SNTB1: variants seen among roughly 807,000 people sequenced by gnomAD.
SNTB1 encodes beta-1-syntrophin.
SNTB1 carries 36 observed loss-of-function variants against 48.9 expected under a neutral mutation model. The observed-to-expected ratio is 0.74, with a 90% CI of 0.56 to 0.97. The LOEUF (loss-of-function observed/expected upper bound fraction) is 0.97. Ranked by LOEUF, SNTB1 falls within the 50% of genes least tolerant of loss-of-function variation. The pLI, the probability that SNTB1 is intolerant of heterozygous loss-of-function variation, is 0.00. For missense variants in SNTB1, 786 were observed against 703.4 expected, an observed-to-expected ratio of 1.12 and a Z score of -1.33; for synonymous variants, 299 against 294.6, an observed-to-expected ratio of 1.01 and a Z score of -0.15.
chr8:120,733,396 T>A (rs1054380766), intron 1 of SNTB1, among the ~76,000 whole-genome samples: 6 of 152,278 alleles, frequency 3.9e-5, no homozygotes, highest in African/African-American at 1.4e-4. Flanking sequence ...ACATTGGTTT[T>A]GTGTTCAGCA....
chr8:120,649,111 A>G (rs1277618989), intron 2 of SNTB1, among the ~76,000 whole-genome samples: 3 of 149,204 alleles, frequency 2.0e-5, no homozygotes, highest in Admixed American at 1.3e-4. Flanking sequence ...CTTTGGTTTG[A>G]ATGTCCTCCT....
At chr8:120,743,378 T>C (rs1819075522) in intron 1 of SNTB1, among the ~76,000 whole-genome samples, 1 of 152,196 alleles carries the variant, frequency 6.6e-6, no homozygotes, top group African/African-American at 2.4e-5. Context: ...CACCCTTTCC[T>C]TTGTTTCTTG....
chr8:120,601,158 C>A (rs1182308051), intron 3 of SNTB1, among the ~76,000 whole-genome samples: 1 of 151,996 alleles, frequency 6.6e-6, no homozygotes, highest in Non-Finnish European at 1.5e-5. Context: ...CACTTTCACT[C>A]TGCGGAATAA....
chr8:120,697,278 A>C (rs930530610), intron 1 of SNTB1, among the ~76,000 whole-genome samples: 1 of 152,242 alleles, frequency 6.6e-6, no homozygotes, highest in African/African-American at 2.4e-5. Flanking sequence ...GGGATATCCC[A>C]TTGGGAGTAA....
intron 1 of SNTB1, among the ~76,000 whole-genome samples, chr8:120,786,953 G>T (rs115215197): frequency 6.6e-6 from 1 of 152,088 alleles, no homozygotes; most frequent in African/African-American, 2.4e-5. Flanking sequence ...GGGAAAAAAC[G>T]TTTTTTAAAT....
At position 120,653,010 on chromosome 8, in the gene SNTB1, G is replaced by A. The variant is rs981888851; in HGVS notation, c.789-20359C>T. Among the ~76,000 whole-genome samples, 13 of 152,270 alleles carry A rather than the reference G, an allele frequency of 8.5e-5. No individual in the cohort carries two copies. The South Asian group carries it at 1.9e-3, about 22-fold the overall frequency. ...CATGCAATGCTGTCACAGCTAATTA[G>A]CAAGTGTTCTAGAACACTGATGAGG... On this transcript the variant is annotated intron_variant, in intron 2 of 6. Coordinates refer to ENST00000517992, the MANE Select transcript of SNTB1 (RefSeq NM_021021.4).
rs145032860 is a variant in SNTB1 at position 120,635,228 on chromosome 8, A to G, written c.789-2577T>C. Among the ~76,000 whole-genome samples the G allele has an allele frequency of 1.0e-3, 157 of 152,306 alleles. 1 individual carries two copies. The East Asian group carries it at 0.011, about 10-fold the overall frequency. On this transcript the variant is annotated intron_variant, in intron 2 of 6. Transcript: ENST00000517992. ...TTCAAAAAAATGGGTAATAAATCTA[A>G]GGTGAGAGTTTCCATTCTCTCCCTA... is the stretch of plus-strand genomic sequence containing the variant.
chr8:120,652,974 G>A (rs949522754), intron 2 of SNTB1, among the ~76,000 whole-genome samples: 4 of 152,146 alleles, frequency 2.6e-5, no homozygotes, highest in East Asian at 3.9e-4. Context: ...GTTACAAAAC[G>A]GAGTAAGAAA....
chr8:120,631,935 T>TA, intron 3 of SNTB1, among the ~76,000 whole-genome samples: 1 of 152,226 alleles, frequency 6.6e-6, no homozygotes, highest in East Asian at 1.9e-4. Context: ...CTTAAGAGCA[T>TA]AAATAAAATA....
chr8:120,802,104 G>A (rs377138762), intron 1 of SNTB1, among the ~76,000 whole-genome samples: 3 of 152,018 alleles, frequency 2.0e-5, no homozygotes, highest in South Asian at 4.1e-4. Flanking sequence ...GATGGCCTCT[G>A]GGATTTCACG....
chr8:120,657,541 A>C (rs1817522793), intron 2 of SNTB1, among the ~76,000 whole-genome samples: 1 of 152,192 alleles, frequency 6.6e-6, no homozygotes, highest in African/African-American at 2.4e-5. Context: ...CTGCCTACTT[A>C]ACATTTCTAG....
At chr8:120,766,913 T>C (rs1460924464) in intron 1 of SNTB1, among the ~76,000 whole-genome samples, 1 of 152,220 alleles carries the variant, frequency 6.6e-6, no homozygotes, top group African/African-American at 2.4e-5. Context: ...ATGTTTTATA[T>C]TCTATGCCCA....
intron 4 of SNTB1, chr8:120,571,479 GTTTTTTTTTTTTTTTTTTT>G (rs574978297): frequency 4.2e-4 from 71 of 167,060 alleles, no homozygotes; most frequent in East Asian, 1.3e-3. Context: ...ACTATTGAGG[GTTTTTTTTTTTTTTTTTTT>G]TTTTTTTTTT....
intron 3 of SNTB1, among the ~76,000 whole-genome samples, chr8:120,591,109 C>A (rs1052502244): frequency 3.3e-5 from 5 of 152,188 alleles, no homozygotes; most frequent in African/African-American, 9.7e-5. Flanking sequence ...TATACCCTAA[C>A]CAGCCTAAAA....
chr8:120,584,438 C>CAAA (rs11443743), intron 3 of SNTB1, among the ~76,000 whole-genome samples: 25,918 of 56,664 alleles, frequency 0.46, 8,135 homozygotes, highest in Non-Finnish European at 0.59. Context: ...AACTCCATCT[C>CAAA]AAAAAAAAAA....
At chr8:120,667,370 G>A (rs540259134) in intron 2 of SNTB1, among the ~76,000 whole-genome samples, 15 of 152,146 alleles carry the variant, frequency 9.9e-5, no homozygotes, top group African/African-American at 3.6e-4. Context: ...TTGTGGTCGT[G>A]GAAATGGAGA....
rs937719866 is a variant in SNTB1 at position 120,536,680 on chromosome 8, TATAA to T, written c.*2193_*2196del. ...TTTATTCAAATATATTTTCCTAAAA[TATAA>T]ATAATTAAATTAAATGTTTATAAAT... On this transcript the variant is annotated 3_prime_UTR_variant, in exon 7 of 7. Coordinates refer to ENST00000517992, the MANE Select transcript of SNTB1 (RefSeq NM_021021.4). 1.2e-4 allele frequency: 18 copies of T among 152,236 alleles called. No homozygotes were observed. The highest frequency in any genetic ancestry group is 2.2e-4 in the Non-Finnish European group (15 of 67,996). 9.4% of individuals were successfully genotyped at this position (152,236 alleles called of 1,614,324 possible).
intron 2 of SNTB1, among the ~76,000 whole-genome samples, chr8:120,691,025 G>A (rs377588218): frequency 1.8e-4 from 27 of 150,122 alleles, no homozygotes; most frequent in African/African-American, 6.0e-4. Flanking sequence ...ATGTATAATC[G>A]TCAATGGTGG....
intron 2 of SNTB1, among the ~76,000 whole-genome samples, chr8:120,675,881 G>A (rs1817825574): frequency 6.6e-6 from 1 of 152,168 alleles, no homozygotes; most frequent in Admixed American, 6.5e-5. Flanking sequence ...CTACCATGTA[G>A]CCAACACTTT....
Sources: gnomAD v4.1 joint callset for allele counts (sites outside exome capture counted in the v4.1 genomes callset) on GRCh38, gnomAD v4.1.1 for gene constraint, MANE v1.5 for transcripts, NCBI Gene and HGNC (gene_info 2026-07-23, HGNC 2026-07-21) for gene names.